The following MAPK4 variants were observed in gnomAD, a reference collection of about 807,000 sequenced individuals.
MAPK4 encodes Erk3-related.
A neutral mutation model predicts 47.7 loss-of-function variants in MAPK4; 22 were observed. The observed-to-expected ratio is 0.46, with a 90% confidence interval of 0.33 to 0.66. The LOEUF (loss-of-function observed/expected upper bound fraction) is 0.66. Among genes scored for constraint, MAPK4 ranks in the 30% least tolerant of loss-of-function variants. MAPK4 has a pLI of 0.02. For synonymous variants in MAPK4, 390 were observed against 365.7 expected, an observed-to-expected ratio of 1.07 and a Z score of -0.76; for missense variants, 736 against 831.7, an observed-to-expected ratio of 0.88 and a Z score of 1.42.
At chr18:50,599,695 A>G (rs2042518259) in intron 1 of MAPK4, among the ~76,000 whole-genome samples, 1 of 152,174 alleles carries the variant, frequency 6.6e-6, no homozygotes, top group African/African-American at 2.4e-5. Flanking sequence ...CTGGGTTTAC[A>G]AGTGTGAACC....
At chr18:50,649,289 G>C (rs1174089365) in intron 1 of MAPK4, among the ~76,000 whole-genome samples, 4 of 152,192 alleles carry the variant, frequency 2.6e-5, no homozygotes, top group Admixed American at 2.0e-4. Context: ...AATTCAGGCA[G>C]TTGAAACTGA....
intron 2 of MAPK4, chr18:50,705,658 C>T (rs1359466098): frequency 6.6e-6 from 1 of 152,144 alleles, no homozygotes; most frequent in Non-Finnish European, 1.5e-5. Context: ...AGTTTCCACC[C>T]TCCTCGGGGG....
chr18:50,701,217 C>G (rs1598929198), intron 2 of MAPK4, among the ~76,000 whole-genome samples: 1 of 148,198 alleles, frequency 6.7e-6, no homozygotes, highest in African/African-American at 2.5e-5. Flanking sequence ...CTTCTTTTGC[C>G]CAGCTTACTC....
At chr18:50,578,006 CTG>C (rs895628298) in intron 1 of MAPK4, among the ~76,000 whole-genome samples, 2 of 152,194 alleles carry the variant, frequency 1.3e-5, no homozygotes, top group Non-Finnish European at 2.9e-5. Flanking sequence ...TAGGTGAACT[CTG>C]TGTAGTTCAG....
At chr18:50,711,142 G>A (rs1237293934) in intron 2 of MAPK4, among the ~76,000 whole-genome samples, 1 of 152,248 alleles carries the variant, frequency 6.6e-6, no homozygotes, top group Non-Finnish European at 1.5e-5. Context: ...AATGCTCAGA[G>A]CTTTAATTAT....
At chr18:50,589,678 T>C (rs905724103) in intron 1 of MAPK4, among the ~76,000 whole-genome samples, 1 of 152,154 alleles carries the variant, frequency 6.6e-6, no homozygotes, top group Admixed American at 6.5e-5. Context: ...CGTTTAAATC[T>C]AAATAATCTG....
intron 2 of MAPK4, chr18:50,705,003 C>T: frequency 2.7e-6 from 1 of 375,850 alleles, no homozygotes; most frequent in Non-Finnish European, 4.7e-6. Context: ...AGTCTGACCT[C>T]CAGGTTGGTC....
chr18:50,566,458 G>C (rs1279590760), intron 1 of MAPK4, among the ~76,000 whole-genome samples: 2 of 152,228 alleles, frequency 1.3e-5, no homozygotes, highest in African/African-American at 2.4e-5. Flanking sequence ...AAGGAGCCAG[G>C]AGCTCACCCC....
At chr18:50,579,043 G>A (rs2042321482) in intron 1 of MAPK4, among the ~76,000 whole-genome samples, 1 of 152,186 alleles carries the variant, frequency 6.6e-6, no homozygotes, top group South Asian at 2.1e-4. Flanking sequence ...ATGAGGAGGG[G>A]CAGCTTAGTC....
upstream of MAPK4, among the ~76,000 whole-genome samples, chr18:50,559,687 C>T (rs935217036): frequency 6.8e-6 from 1 of 148,076 alleles, no homozygotes; most frequent in African/African-American, 2.5e-5. Flanking sequence ...TCAGGCAGAT[C>T]CCCGCTTCCC....
At chr18:50,719,656 C>T (rs1910829356) in intron 3 of MAPK4, among the ~76,000 whole-genome samples, 1 of 152,214 alleles carries the variant, frequency 6.6e-6, no homozygotes, top group South Asian at 2.1e-4. Flanking sequence ...CCTCAGCTCA[C>T]AGGGCTGTGC....
intron 2 of MAPK4, among the ~76,000 whole-genome samples, chr18:50,689,273 C>A (rs28645568): frequency 0.013 from 1,778 of 134,054 alleles, 69 homozygotes; most frequent in African/African-American, 0.05. Flanking sequence ...TGGTGCAAGC[C>A]TGTAATCCCA....
chr18:50,689,300 A>G (rs1909074854), intron 2 of MAPK4, among the ~76,000 whole-genome samples: 1 of 150,252 alleles, frequency 6.7e-6, no homozygotes, highest in African/African-American at 2.4e-5. Context: ...CGAGAGGCTG[A>G]GGCAGGAAAA....
chr18:50,591,866 A>G (rs2042438926), intron 1 of MAPK4, among the ~76,000 whole-genome samples: 1 of 152,120 alleles, frequency 6.6e-6, no homozygotes, highest in Non-Finnish European at 1.5e-5. Context: ...CCATGCTATG[A>G]AATTTGATTC....
At chr18:50,687,415 A>G (rs575733697) in intron 2 of MAPK4, among the ~76,000 whole-genome samples, 5 of 152,352 alleles carry the variant, frequency 3.3e-5, no homozygotes, top group African/African-American at 1.2e-4. Context: ...AAATGCCTCT[A>G]GACATTGCCA....
chr18:50,719,767 C>T (rs973512230), intron 3 of MAPK4, among the ~76,000 whole-genome samples: 8 of 152,202 alleles, frequency 5.3e-5, no homozygotes, highest in East Asian at 1.9e-4. Flanking sequence ...AGAGCCCAGA[C>T]GAGACTGTAT....
At chr18:50,647,730 G>A (rs939764100) in intron 1 of MAPK4, among the ~76,000 whole-genome samples, 2 of 152,060 alleles carry the variant, frequency 1.3e-5, no homozygotes, top group African/African-American at 4.8e-5. Flanking sequence ...CTTTGCCACA[G>A]TTCCTGCCTG....
At chr18:50,673,468 T>A (rs1908080183) in intron 2 of MAPK4, among the ~76,000 whole-genome samples, 1 of 152,246 alleles carries the variant, frequency 6.6e-6, no homozygotes, top group South Asian at 2.1e-4. Flanking sequence ...CTAGTGTGTT[T>A]CATGCAGTGC....
chr18:50,640,694 G>C (rs2042933377), intron 1 of MAPK4, among the ~76,000 whole-genome samples: 1 of 152,192 alleles, frequency 6.6e-6, no homozygotes, highest in Non-Finnish European at 1.5e-5. Context: ...TCGAACTCCT[G>C]ACCTCAGGTG....
Sources: gnomAD v4.1 joint callset for allele counts (sites outside exome capture counted in the v4.1 genomes callset) on GRCh38, gnomAD v4.1.1 for gene constraint, MANE v1.5 for transcripts, NCBI Gene and HGNC (gene_info 2026-07-23, HGNC 2026-07-21) for gene names.